The following RBFOX3 variants were observed in gnomAD, a reference collection of about 807,000 sequenced individuals.
RBFOX3 encodes RNA binding protein fox-1 homolog 3.
Under a neutral mutation model 48.7 loss-of-function variants are expected in RBFOX3, and 17 were observed. The observed-to-expected ratio is 0.35, with a 90% confidence interval of 0.24 to 0.52. RBFOX3 has a LOEUF of 0.52. RBFOX3 is among the 20% of genes least tolerant of loss of function. The pLI, the probability that RBFOX3 is intolerant of heterozygous loss-of-function variation, is 0.94. For missense variants in RBFOX3, 382 were observed against 497.5 expected, an observed-to-expected ratio of 0.77 and a Z score of 2.21; for synonymous variants, 212 against 209.5, an observed-to-expected ratio of 1.01 and a Z score of -0.10.
chr17:79,450,360 G>C (rs1291578313), intron 2 of RBFOX3, among the ~76,000 whole-genome samples: 2 of 152,116 alleles, frequency 1.3e-5, no homozygotes, highest in African/African-American at 4.8e-5. Flanking sequence ...ATAAAACGGG[G>C]AAAAAACACC....
intron 1 of RBFOX3, among the ~76,000 whole-genome samples, chr17:79,501,394 C>T (rs2082366354): frequency 6.6e-6 from 1 of 152,226 alleles, no homozygotes; most frequent in Non-Finnish European, 1.5e-5. Flanking sequence ...GCCCTTCTTC[C>T]TGCCTGTAAA....
the RBFOX3 span, among the ~76,000 whole-genome samples, chr17:79,647,713 G>A: frequency 6.6e-5 from 10 of 152,246 alleles, no homozygotes; most frequent in East Asian, 1.9e-4. Flanking sequence ...ATGGCACAGC[G>A]CATGACCAGG....
intron 1 of RBFOX3, among the ~76,000 whole-genome samples, chr17:79,486,240 C>T (rs112267292): frequency 4.1e-4 from 63 of 152,268 alleles, no homozygotes; most frequent in African/African-American, 1.4e-3. Flanking sequence ...GTGGCAGGGA[C>T]CAGGGTGGGC....
chr17:79,520,254 C>T (rs938741088), intron 1 of RBFOX3, among the ~76,000 whole-genome samples: 4 of 152,194 alleles, frequency 2.6e-5, no homozygotes, highest in Admixed American at 6.5e-5. Context: ...AAGCAGGTGA[C>T]GAGGCAGCAG....
chr17:79,324,507 G>A (rs2079019865), intron 2 of RBFOX3, among the ~76,000 whole-genome samples: 1 of 152,192 alleles, frequency 6.6e-6, no homozygotes, highest in Admixed American at 6.5e-5. Context: ...TCGATGGAGG[G>A]CATGTAGCTT....
chr17:79,620,839 T>C, the RBFOX3 span, among the ~76,000 whole-genome samples: 1 of 152,162 alleles, frequency 6.6e-6, no homozygotes, highest in African/African-American at 2.4e-5. Flanking sequence ...AGAGAAGGGT[T>C]ATCATTCCTG....
chr17:79,476,578 C>T (rs1598860030), intron 2 of RBFOX3, among the ~76,000 whole-genome samples: 2 of 152,246 alleles, frequency 1.3e-5, no homozygotes, highest in East Asian at 3.9e-4. Flanking sequence ...GTGAAGGATT[C>T]CAGCCACATG....
intron 4 of RBFOX3, among the ~76,000 whole-genome samples, chr17:79,167,590 TTCTGG>T (rs2048283204): frequency 6.6e-6 from 1 of 152,332 alleles, no homozygotes; most frequent in South Asian, 2.1e-4. Context: ...CAAGCCTGTC[TTCTGG>T]TCTGTCTCTC....
intron 1 of RBFOX3, among the ~76,000 whole-genome samples, chr17:79,582,738 G>A (rs901727884): frequency 3.7e-5 from 5 of 134,340 alleles, no homozygotes; most frequent in Admixed American, 1.8e-4. Context: ...AGCCATGATC[G>A]CGCCACTGCA....
intron 2 of RBFOX3, among the ~76,000 whole-genome samples, chr17:79,449,999 C>T (rs956847923): frequency 1.1e-4 from 16 of 151,994 alleles, no homozygotes; most frequent in African/African-American, 3.9e-4. Context: ...AGTGGAATGC[C>T]AAAAAAGCCC....
At chr17:79,419,109 G>T (rs1220295975) in intron 2 of RBFOX3, among the ~76,000 whole-genome samples, 1 of 152,134 alleles carries the variant, frequency 6.6e-6, no homozygotes, top group African/African-American at 2.4e-5. Flanking sequence ...AATTATCCAT[G>T]ATTTCATTTT....
At chr17:79,200,214 C>T (rs1351711174) in intron 4 of RBFOX3, among the ~76,000 whole-genome samples, 1 of 151,062 alleles carries the variant, frequency 6.6e-6, no homozygotes, top group African/African-American at 2.4e-5. Context: ...TTAAGTACTT[C>T]CCAAGGCCCA....
chr17:79,236,559 TTA>T (rs1233811240), intron 3 of RBFOX3, among the ~76,000 whole-genome samples: 3 of 152,188 alleles, frequency 2.0e-5, no homozygotes, highest in Non-Finnish European at 4.4e-5. Context: ...CACATTCATT[TTA>T]TGTTATTAAA....
Position 79,200,429 on chromosome 17 carries a change from A to T in RBFOX3, c.-34+35337T>A, listed in dbSNP as rs74001664. 9.3e-3 allele frequency among the ~76,000 whole-genome samples: 1,422 copies of T among 152,328 alleles called. 19 individuals carry two copies. Among genetic ancestry groups the T allele is most frequent in the African/African-American group, 0.032 (1,319 of 41,574 alleles). ...GGTGTCCCACCTAGTCTAAGAGCAA[A>T]TACAAGAAAAAGAAGAAACCAGCCC... On this transcript the variant is annotated intron_variant, in intron 4 of 14. Transcript: ENST00000693108.
At chr17:79,293,479 G>A (rs2073798338) in intron 3 of RBFOX3, among the ~76,000 whole-genome samples, 1 of 135,644 alleles carries the variant, frequency 7.4e-6, no homozygotes, top group East Asian at 2.2e-4. Context: ...CTTCCTTCCT[G>A]TCTCACTCTG....
At chr17:79,142,095 G>A (rs2042035026) in intron 4 of RBFOX3, among the ~76,000 whole-genome samples, 1 of 152,246 alleles carries the variant, frequency 6.6e-6, no homozygotes, top group Non-Finnish European at 1.5e-5. Context: ...CCGTCTGGAT[G>A]AAGGGAAATT....
At position 79,544,554 on chromosome 17, in the gene RBFOX3, G is replaced by A. The variant is rs571938998; in HGVS notation, c.-319-61956C>T. On this transcript the variant is annotated intron_variant, in intron 1 of 14. Transcript: ENST00000693108. ...AGGCTTGGAGAAGTCCACTCCTCCC[G>A]TCGGAGTACCCCGACCCTCCATACC... Among the ~76,000 whole-genome samples, 141 of 151,964 alleles carry A rather than the reference G, an allele frequency of 9.3e-4. 1 individual carries two copies. The highest frequency in any genetic ancestry group is 2.9e-3 in the African/African-American group (120 of 41,440).
intron 2 of RBFOX3, among the ~76,000 whole-genome samples, chr17:79,355,042 G>T (rs956129580): frequency 1.3e-5 from 2 of 152,128 alleles, no homozygotes; most frequent in African/African-American, 4.8e-5. Context: ...CTTCCCACCG[G>T]CCTCTCCTCT....
chr17:79,262,600 G>A (rs1425874608), intron 3 of RBFOX3, among the ~76,000 whole-genome samples: 1 of 152,238 alleles, frequency 6.6e-6, no homozygotes, highest in Non-Finnish European at 1.5e-5. Flanking sequence ...GGTGGAGGGA[G>A]GCCCAGGCTG....
Sources: gnomAD v4.1 joint callset for allele counts (sites outside exome capture counted in the v4.1 genomes callset) on GRCh38, gnomAD v4.1.1 for gene constraint, MANE v1.5 for transcripts, NCBI Gene and HGNC (gene_info 2026-07-23, HGNC 2026-07-21) for gene names.